The following FNDC3B variants were observed in gnomAD, a reference collection of about 807,000 sequenced individuals.
The protein encoded by FNDC3B is fibronectin type III domain containing 3B.
In FNDC3B, 12 loss-of-function variants were observed where a neutral mutation model predicts 151.5. That is an observed-to-expected ratio of 0.08 (90% confidence interval 0.05 to 0.13). The LOEUF is 0.13. Ranked by LOEUF, FNDC3B falls within the 10% of genes least tolerant of loss-of-function variation. The pLI is 1.00. For synonymous variants in FNDC3B, 528 were observed against 549.0 expected, an observed-to-expected ratio of 0.96 and a Z score of 0.54; for missense variants, 1,214 against 1,505.3, an observed-to-expected ratio of 0.81 and a Z score of 3.20.
intron 3 of FNDC3B, among the ~76,000 whole-genome samples, chr3:172,202,597 A>G (rs1008729912): frequency 2.6e-5 from 4 of 152,166 alleles, no homozygotes; most frequent in African/African-American, 9.7e-5. Context: ...AATTCTCCAA[A>G]CGGAACAGTG....
chr3:172,319,575 T>A (rs1731978495), intron 11 of FNDC3B, among the ~76,000 whole-genome samples: 1 of 152,186 alleles, frequency 6.6e-6, no homozygotes, highest in East Asian at 1.9e-4. Context: ...TTTTCTTACC[T>A]TTGAAACATC....
rs993275258 is a variant in FNDC3B, at chr3:172,111,802, T to A, written c.-28-650T>A. Reference sequence around the variant, plus strand: ...TATTAAAGGGTTCATTGACCAAATGTCCTTGAATTTGAAATTTTGGGGACT... The same window carrying A: ...TATTAAAGGGTTCATTGACCAAATGACCTTGAATTTGAAATTTTGGGGACT... On this transcript the variant is annotated intron_variant, in intron 1 of 25. Coordinates refer to ENST00000415807, the MANE Select transcript of FNDC3B (RefSeq NM_022763.4). 2.0e-5 allele frequency among the ~76,000 whole-genome samples: 3 copies of A among 152,372 alleles called. No individual in the cohort carries two copies. The East Asian group carries it at 5.8e-4, about 29-fold the overall frequency.
chr3:172,083,344 G>GCA (rs1322017878), intron 1 of FNDC3B, among the ~76,000 whole-genome samples: 1 of 152,220 alleles, frequency 6.6e-6, no homozygotes, highest in Non-Finnish European at 1.5e-5. Context: ...AGATGGAGCT[G>GCA]CACACACTTT....
intron 14 of FNDC3B, among the ~76,000 whole-genome samples, chr3:172,333,667 T>C (rs1271984755): frequency 1.3e-5 from 2 of 152,090 alleles, no homozygotes; most frequent in African/African-American, 4.8e-5. Flanking sequence ...TAAAACCAAC[T>C]TGTGAGCACA....
chr3:172,074,052 C>A (rs948525683), intron 1 of FNDC3B, among the ~76,000 whole-genome samples: 15 of 152,148 alleles, frequency 9.9e-5, no homozygotes, highest in African/African-American at 3.4e-4. Context: ...TGGAGGAAGA[C>A]TTTCTCTGAG....
Position 172,397,688 on chromosome 3 carries a change from A to G in FNDC3B, c.*213A>G. 2.9e-6 allele frequency: 1 copy of G among 347,500 alleles called. No individual in the cohort carries two copies. The highest frequency in any genetic ancestry group is 5.1e-6 in the Non-Finnish European group (1 of 196,352). The allele number at this position is 347,500 out of a possible 1,614,324, so 21.5% of individuals were successfully genotyped here. On this transcript the variant is annotated 3_prime_UTR_variant, in exon 26 of 26. Transcript: ENST00000415807. ...GGATTTTTTTTTTTAAAAAAAAGAA[A>G]AAAAAAGAAGAAAAGTATACCAGAT...
intron 4 of FNDC3B, among the ~76,000 whole-genome samples, chr3:172,231,878 C>CTTT (rs1726909429): frequency 8.9e-6 from 1 of 111,930 alleles, no homozygotes; most frequent in Non-Finnish European, 1.9e-5. Context: ...CTTTATTTAC[C>CTTT]GTTTTTTTTT....
chr3:172,170,287 CAT>C (rs1723222114), intron 3 of FNDC3B, among the ~76,000 whole-genome samples: 1 of 152,146 alleles, frequency 6.6e-6, no homozygotes. Flanking sequence ...GTGGACAGGT[CAT>C]ATGTTTGTTT....
chr3:172,163,546 T>G (rs1394966353), intron 3 of FNDC3B, among the ~76,000 whole-genome samples: 1 of 152,164 alleles, frequency 6.6e-6, no homozygotes, highest in Non-Finnish European at 1.5e-5. Context: ...CCCCAAAACA[T>G]GAGCTTGAAG....
chr3:172,084,664 A>G (rs1718461445), intron 1 of FNDC3B, among the ~76,000 whole-genome samples: 1 of 152,218 alleles, frequency 6.6e-6, no homozygotes, highest in Non-Finnish European at 1.5e-5. Context: ...TATTTTATGG[A>G]TAACGAAACT....
At chr3:172,306,104 A>C (rs908589262) in intron 9 of FNDC3B, among the ~76,000 whole-genome samples, 2 of 152,190 alleles carry the variant, frequency 1.3e-5, no homozygotes, top group Admixed American at 6.5e-5. Flanking sequence ...TATGGCCTCT[A>C]TGAATTTTTC....
chr3:172,397,130 A>G (rs757873743), intron 25 of FNDC3B, 34 bp from the exon 26 acceptor site: 8 of 1,521,354 alleles, frequency 5.3e-6, no homozygotes, highest in Non-Finnish European at 5.3e-6. Context: ...GTGTTGCTAT[A>G]AATTAATTAA....
At chr3:172,118,086 T>G (rs1224875831) in intron 2 of FNDC3B, among the ~76,000 whole-genome samples, 1 of 152,234 alleles carries the variant, frequency 6.6e-6, no homozygotes, top group Non-Finnish European at 1.5e-5. Flanking sequence ...TTGAAAGCCC[T>G]TGTTTCCTCT....
intron 1 of FNDC3B, among the ~76,000 whole-genome samples, chr3:172,100,436 TCTC>T (rs1262396170): frequency 6.6e-6 from 1 of 152,180 alleles, no homozygotes; most frequent in Non-Finnish European, 1.5e-5. Context: ...ATAAAACAAA[TCTC>T]CTTAATTCTC....
chr3:172,342,861 C>T, intron 17 of FNDC3B, 150 bp from the exon 18 acceptor site: 1 of 537,994 alleles, frequency 1.9e-6, no homozygotes, highest in Non-Finnish European at 3.4e-6. Flanking sequence ...ATCTTAATTA[C>T]ATTAAAAGCA....
intron 6 of FNDC3B, among the ~76,000 whole-genome samples, chr3:172,266,374 G>A (rs1314995877): frequency 3.9e-5 from 6 of 152,246 alleles, no homozygotes; most frequent in South Asian, 2.1e-4. Context: ...GGGTCTTGCC[G>A]TATTGCCTAG....
chr3:172,286,051 T>C, intron 7 of FNDC3B, 67 bp downstream of exon 7: 1 of 1,234,082 alleles, frequency 8.1e-7, no homozygotes, highest in Middle Eastern at 1.9e-4. Flanking sequence ...CTTTTTTTTT[T>C]TTTCCACCAC....
At chr3:172,087,955 A>T (rs776508717) in intron 1 of FNDC3B, among the ~76,000 whole-genome samples, 35 of 152,338 alleles carry the variant, frequency 2.3e-4, no homozygotes, top group Non-Finnish European at 2.2e-4. Flanking sequence ...ATGAGAATGT[A>T]GTATATACCA....
intron 3 of FNDC3B, among the ~76,000 whole-genome samples, chr3:172,137,059 T>C (rs1167260041): frequency 6.6e-6 from 1 of 152,146 alleles, no homozygotes; most frequent in East Asian, 1.9e-4. Flanking sequence ...CCTGGAAATT[T>C]TGAAGTCATA....
Sources: allele counts gnomAD v4.1 joint callset (sites outside exome capture counted in the v4.1 genomes callset), GRCh38; gene constraint gnomAD v4.1.1; transcripts MANE v1.5; gene names NCBI Gene and HGNC (gene_info 2026-07-23, HGNC 2026-07-21).